The following ADAMTS9 variants were observed in gnomAD, a reference collection of about 807,000 sequenced individuals.
ADAMTS9 encodes A disintegrin and metalloproteinase with thrombospondin motifs 9.
A neutral mutation model predicts 257.1 loss-of-function variants in ADAMTS9; 107 were observed. The ratio of observed to expected loss-of-function variants is 0.42; its 90% CI spans 0.36 to 0.49. The LOEUF is 0.49. Among genes scored for constraint, ADAMTS9 ranks in the 20% least tolerant of loss-of-function variants. ADAMTS9 has a pLI of 0.03. For missense variants in ADAMTS9, 2,353 were observed against 2,469.1 expected (o/e 0.95, Z 1.00); for synonymous variants, 982 against 880.9 (o/e 1.11, Z -2.03).
At chr3:64,582,554 T>C (rs1052348730) in intron 28 of ADAMTS9, 2 of 152,192 alleles carry the variant, frequency 1.3e-5, no homozygotes, top group Non-Finnish European at 2.9e-5. Flanking sequence ...GAGAAATTCA[T>C]AGAACTACCT....
intron 12 of ADAMTS9, among the ~76,000 whole-genome samples, chr3:64,636,087 T>TA (rs1165664192): frequency 2.8e-5 from 1 of 35,178 alleles, no homozygotes; most frequent in Non-Finnish European, 4.5e-5. Context: ...TTTAAATTGA[T>TA]TTTTTTTGTT....
intron 19 of ADAMTS9, among the ~76,000 whole-genome samples, chr3:64,620,863 C>T (rs1279527409): frequency 3.9e-5 from 6 of 152,160 alleles, no homozygotes. Flanking sequence ...TTGTGAGGAT[C>T]AACTGAATTT....
Position 64,627,906 on chromosome 3 carries a change from T to C in ADAMTS9, c.2389+3549A>G, listed in dbSNP as rs73122275. 3.1e-3 allele frequency among the ~76,000 whole-genome samples: 477 copies of C among 152,310 alleles called. 2 individuals are homozygous for C. Among genetic ancestry groups the C allele is most frequent in the South Asian group, 0.018 (89 of 4,816 alleles). The stretch of plus-strand genomic sequence containing the variant: ...AGACTCAGTGTGGGTTGTAAAACCT[T>C]CTCAGTGCATGTGCTGCATCTTCCA... On this transcript the variant is annotated intron_variant, in intron 16 of 39. Coordinates refer to ENST00000498707, the MANE Select transcript of ADAMTS9 (RefSeq NM_182920.2).
rs907181239 is a variant in ADAMTS9 at position 64,548,839 on chromosome 3, G to A, written c.4870-1887C>T. ...TATGTGCTTGGTTCCACATGAGCAC[G>A]TATTACTTTTCTAAATTGAAAATAA... On this transcript the variant is annotated intron_variant, in intron 31 of 39. Coordinates refer to ENST00000498707, the MANE Select transcript of ADAMTS9 (RefSeq NM_182920.2). Among the ~76,000 whole-genome samples, 8 of 152,334 alleles carry A rather than the reference G, an allele frequency of 5.3e-5. No individual in the cohort carries two copies. The East Asian group carries it at 1.5e-3, about 29-fold the overall frequency.
chr3:64,590,901 A>G (rs1269100346), intron 28 of ADAMTS9, among the ~76,000 whole-genome samples: 2 of 152,190 alleles, frequency 1.3e-5, no homozygotes. Context: ...AGGGCAATGC[A>G]CAAAGGAACA....
At chr3:64,665,976 G>T (rs911378013) in intron 3 of ADAMTS9, among the ~76,000 whole-genome samples, 1 of 152,156 alleles carries the variant, frequency 6.6e-6, no homozygotes, top group Non-Finnish European at 1.5e-5. Flanking sequence ...CATCGATTTT[G>T]TGCCAAGTAC....
intron 3 of ADAMTS9, among the ~76,000 whole-genome samples, chr3:64,664,971 T>A (rs745846636): frequency 1.3e-5 from 2 of 152,222 alleles, no homozygotes; most frequent in Non-Finnish European, 2.9e-5. Flanking sequence ...AAATTAATCA[T>A]GTTTACTTAA....
At position 64,591,112 on chromosome 3, in the gene ADAMTS9, C is replaced by A. The variant is rs556134645; in HGVS notation, c.4356+3146G>T. ...CTACTTAATGTCCTCCTGGGACTGA[C>A]TGCAGGAGTCAACTGAAAGGCATGT... On this transcript the variant is annotated intron_variant, in intron 28 of 39. Coordinates refer to ENST00000498707, the MANE Select transcript of ADAMTS9 (RefSeq NM_182920.2). Among the ~76,000 whole-genome samples the A allele has an allele frequency of 2.9e-4, 44 of 152,286 alleles. No individual in the cohort carries two copies. The South Asian group carries it at 7.5e-3, about 26-fold the overall frequency.
At chr3:64,580,757 C>A (rs1327619442) in intron 28 of ADAMTS9, among the ~76,000 whole-genome samples, 1 of 152,140 alleles carries the variant, frequency 6.6e-6, no homozygotes, top group Non-Finnish European at 1.5e-5. Flanking sequence ...TAAACAAAAT[C>A]AGGAATCTGG....
intron 11 of ADAMTS9, among the ~76,000 whole-genome samples, chr3:64,642,810 C>G (rs1428786321): frequency 2.0e-5 from 3 of 152,100 alleles, no homozygotes. Context: ...TGAAGCGGAG[C>G]TGGTGGCGAC....
intron 26 of ADAMTS9, among the ~76,000 whole-genome samples, chr3:64,600,051 C>CTTTTTTTTTTTTTT (rs35753372): frequency 9.6e-6 from 1 of 104,190 alleles, no homozygotes; most frequent in Non-Finnish European, 1.9e-5. Flanking sequence ...AGTTTCTGTT[C>CTTTTTTTTTTTTTT]TTTTTTTTTT....
chr3:64,600,445 T>C (rs1052799254), intron 26 of ADAMTS9, among the ~76,000 whole-genome samples: 1 of 152,236 alleles, frequency 6.6e-6, no homozygotes. Flanking sequence ...TAATCCTCCC[T>C]AATTGGGAGC....
At chr3:64,623,862 C>T (rs535374876) in intron 16 of ADAMTS9, among the ~76,000 whole-genome samples, 3 of 152,062 alleles carry the variant, frequency 2.0e-5, no homozygotes, top group Non-Finnish European at 2.9e-5. Flanking sequence ...TATGTATCTT[C>T]GGGGAAGAAT....
At chr3:64,554,962 G>A (rs765181190) in intron 30 of ADAMTS9, among the ~76,000 whole-genome samples, 11 of 152,206 alleles carry the variant, frequency 7.2e-5, no homozygotes, top group Non-Finnish European at 1.5e-4. Context: ...TAATCAAGTT[G>A]CTTTACACTT....
chr3:64,655,534 G>C, intron 6 of ADAMTS9, 42 bp downstream of exon 6: 1 of 1,506,592 alleles, frequency 6.6e-7, no homozygotes, highest in Non-Finnish European at 9.2e-7. Flanking sequence ...CCATCAACTT[G>C]ACCTGAGACT....
chr3:64,586,252 G>A (rs1194797583), intron 28 of ADAMTS9, among the ~76,000 whole-genome samples: 1 of 151,890 alleles, frequency 6.6e-6, no homozygotes, highest in Non-Finnish European at 1.5e-5. Context: ...TGAGCACAAA[G>A]TAAATGTTCC....
At chr3:64,548,344 T>C (rs1017126219) in intron 31 of ADAMTS9, among the ~76,000 whole-genome samples, 1 of 152,188 alleles carries the variant, frequency 6.6e-6, no homozygotes, top group Non-Finnish European at 1.5e-5. Context: ...CTTCTTTGGC[T>C]GCTGCTGTTC....
At chr3:64,677,802 T>C (rs1360546644) in intron 3 of ADAMTS9, among the ~76,000 whole-genome samples, 1 of 152,150 alleles carries the variant, frequency 6.6e-6, no homozygotes, top group African/African-American at 2.4e-5. Context: ...TATGGACAGT[T>C]CCTGGTTTTC....
chr3:64,594,426 C>T lies in ADAMTS9; in HGVS notation c.4188G>A (p.Lys1396=). The change falls in exon 28 of 40, where the codon AAG becomes AAA. Residue 1396 remains lysine, a synonymous_variant. Transcript: ENST00000498707. Reference sequence around the variant, plus strand: ...TTGTTCTTATGCCTCCACCACACAGCTTAGTGCACTGGAAGAAGGAAAAGG... The same window carrying T: ...TTGTTCTTATGCCTCCACCACACAGTTTAGTGCACTGGAAGAAGGAAAAGG... ...WAYGNWGECT[K]LCGGGIRTRL... The T allele has an allele frequency of 6.2e-7, 1 of 1,612,312 alleles. No individual in the cohort carries two copies. The highest frequency in any genetic ancestry group is 8.5e-7 in the Non-Finnish European group (1 of 1,179,196).
Sources: gnomAD v4.1 joint callset for allele counts (sites outside exome capture counted in the v4.1 genomes callset) on GRCh38, gnomAD v4.1.1 for gene constraint, MANE v1.5 for transcripts, NCBI Gene and HGNC (gene_info 2026-07-23, HGNC 2026-07-21) for gene names.